SOS1: variants seen among roughly 807,000 people sequenced by gnomAD.
The protein encoded by SOS1 is son of sevenless homolog 1.
Under a neutral mutation model 157.6 loss-of-function variants are expected in SOS1, and 25 were observed. The observed-to-expected ratio is 0.16, with a 90% confidence interval of 0.12 to 0.22. The LOEUF (loss-of-function observed/expected upper bound fraction) is 0.22. SOS1 is among the 10% of genes least tolerant of loss of function. The probability of loss-of-function intolerance (pLI) is 1.00; values close to 1 mark genes in which losing one functional copy is unlikely to be tolerated. For synonymous variants in SOS1, 528 were observed against 534.0 expected (o/e 0.99, Z 0.16); for missense variants, 1,237 against 1,599.1 (o/e 0.77, Z 3.86).
chr2:39,120,170 G>T (rs1050054960), intron 1 of SOS1, among the ~76,000 whole-genome samples, 166 bp downstream of exon 1: 1 of 152,104 alleles, frequency 6.6e-6, no homozygotes, highest in Non-Finnish European at 1.5e-5. Context: ...TGTCAACACC[G>T]AGAGCCAGCC....
intron 17 of SOS1, among the ~76,000 whole-genome samples, chr2:39,002,323 T>TAAAAA: frequency 6.6e-6 from 1 of 151,340 alleles, no homozygotes. Context: ...GAAACTGTCT[T>TAAAAA]AAAAAAAAAG....
At chr2:39,072,723 A>T (rs551659394) in intron 1 of SOS1, among the ~76,000 whole-genome samples, 1 of 152,346 alleles carries the variant, frequency 6.6e-6, no homozygotes, top group African/African-American at 2.4e-5. Flanking sequence ...ACAAAGAATT[A>T]GCTTAAACAG....
At chr2:39,035,155 CAAAA>C in intron 8 of SOS1, 53 bp downstream of exon 8, 1 of 933,978 alleles carries the variant, frequency 1.1e-6, no homozygotes, top group Non-Finnish European at 1.6e-6. Flanking sequence ...AATGAAGTAG[CAAAA>C]AAAAAAATTC....
intron 1 of SOS1, among the ~76,000 whole-genome samples, chr2:39,118,766 C>A (rs1490182297): frequency 6.6e-6 from 1 of 152,170 alleles, no homozygotes; most frequent in Non-Finnish European, 1.5e-5. Context: ...CAAATATTAG[C>A]AACTAATTAC....
Position 39,007,012 on chromosome 2 carries a change from AAC to A in SOS1, c.2673+17_2673+18del, listed in dbSNP as rs751414331. The A allele has an allele frequency of 1.3e-6, 2 of 1,564,372 alleles. No individual in the cohort carries two copies. Among genetic ancestry groups the A allele is most frequent in the Non-Finnish European group, 8.8e-7 (1 of 1,135,836 alleles). Reference sequence around the variant, plus strand: ...ATAGGGAATGAAAGTTCATTTTAAAAACACATGTAGAAACCTACCTCAAATGT... The same window carrying A: ...ATAGGGAATGAAAGTTCATTTTAAAAACATGTAGAAACCTACCTCAAATGT... On this transcript the variant is annotated intron_variant, in intron 16 of 22. Coordinates refer to ENST00000402219, the MANE Select transcript of SOS1 (RefSeq NM_005633.4).
At position 39,022,723 on chromosome 2, in the gene SOS1, G is replaced by C. The variant is rs200786705; in HGVS notation, c.1705C>G (p.Leu569Val). Residue 569 changes from leucine to valine, a missense_variant, in exon 10 of 23, where the codon CTG becomes GTG. Physicochemically the swap from Leu to Val is conservative, Grantham distance 32 (BLOSUM62 1). Coordinates refer to ENST00000402219, the MANE Select transcript of SOS1 (RefSeq NM_005633.4). ...AATCTATAAACATCAGCACTAGGCA[G>C]CCTCATCTGCTCCTCTTTCTCTTCC... ...LQEEKEEQMR[L>V]PSADVYRFAE... is the part of the protein sequence containing the mutation. 2.0e-4 allele frequency: 322 copies of C among 1,613,712 alleles called. 1 individual carries two copies. Among genetic ancestry groups the C allele is most frequent in the Middle Eastern group, 1.6e-3 (10 of 6,062 alleles).
upstream of SOS1, among the ~76,000 whole-genome samples, chr2:39,123,912 C>T (rs977891867): frequency 3.3e-5 from 5 of 152,224 alleles, no homozygotes; most frequent in African/African-American, 1.2e-4. Flanking sequence ...CCCTTCAACT[C>T]CGAATCTCTG....
At chr2:39,069,190 C>CAAAAAAAAAAAAAAAAAAAA (rs869178369) in intron 1 of SOS1, among the ~76,000 whole-genome samples, 1 of 46,734 alleles carries the variant, frequency 2.1e-5, no homozygotes, top group African/African-American at 6.8e-5. Context: ...TACCAAAAAG[C>CAAAAAAAAAAAAAAAAAAAA]AAAAAAAAAA....
intron 1 of SOS1, among the ~76,000 whole-genome samples, chr2:39,105,204 T>C (rs1673121774): frequency 6.6e-6 from 1 of 152,156 alleles, no homozygotes; most frequent in Non-Finnish European, 1.5e-5. Context: ...AAATTTAAGT[T>C]AGCTTACTAC....
intron 1 of SOS1, among the ~76,000 whole-genome samples, chr2:39,094,555 G>T (rs922802490): frequency 6.6e-6 from 1 of 152,110 alleles, no homozygotes; most frequent in Non-Finnish European, 1.5e-5. Context: ...CTGAGGCAGA[G>T]AACTGCTTGA....
At chr2:39,110,039 C>CGTGTGTGTGTGT (rs779110307) in intron 1 of SOS1, among the ~76,000 whole-genome samples, 70 of 135,374 alleles carry the variant, frequency 5.2e-4, no homozygotes, top group East Asian at 3.5e-3. Flanking sequence ...TGTGTGTGTG[C>CGTGTGTGTGTGT]GTGTGTGTGT....
At chr2:39,112,696 CT>C (rs1322725592) in intron 1 of SOS1, among the ~76,000 whole-genome samples, 1 of 152,196 alleles carries the variant, frequency 6.6e-6, no homozygotes, top group Admixed American at 6.5e-5. Context: ...TACTACTTTC[CT>C]TTTCTTCACT....
At chr2:39,121,595 T>C (rs982557450), upstream of SOS1, among the ~76,000 whole-genome samples, 2 of 152,234 alleles carry the variant, frequency 1.3e-5, no homozygotes, top group Non-Finnish European at 2.9e-5. Flanking sequence ...ACTCCAGAAA[T>C]GAACTCCAGT....
At chr2:39,064,742 A>ATTTTTTTTTTTTTT (rs4015841) in intron 2 of SOS1, among the ~76,000 whole-genome samples, 4 of 74,816 alleles carry the variant, frequency 5.3e-5, no homozygotes, top group Admixed American at 2.3e-4. Flanking sequence ...TTTAAAATAC[A>ATTTTTTTTTTTTTT]TTTTTTTTTT....
chr2:39,110,532 T>G (rs1288585835), intron 1 of SOS1, among the ~76,000 whole-genome samples: 1 of 151,852 alleles, frequency 6.6e-6, no homozygotes, highest in Middle Eastern at 3.2e-3. Flanking sequence ...GGCACAGCCC[T>G]GCTCTGCAAG....
intron 1 of SOS1, among the ~76,000 whole-genome samples, chr2:39,068,555 A>G (rs1430362160): frequency 6.6e-6 from 1 of 152,212 alleles, no homozygotes; most frequent in Non-Finnish European, 1.5e-5. Context: ...CGCATATTAC[A>G]AGCTTGATAA....
intron 2 of SOS1, among the ~76,000 whole-genome samples, chr2:39,065,605 G>T (rs973445552): frequency 2.0e-5 from 3 of 152,048 alleles, no homozygotes. Context: ...ACCTTACTGA[G>T]AACTCTAGTA....
intron 1 of SOS1, among the ~76,000 whole-genome samples, chr2:39,091,746 G>T (rs1177758831): frequency 1.3e-5 from 2 of 152,134 alleles, no homozygotes; most frequent in Non-Finnish European, 2.9e-5. Context: ...GTCACCAGGG[G>T]ATGCCATTCT....
intron 8 of SOS1, among the ~76,000 whole-genome samples, chr2:39,028,130 A>G (rs2124547819): frequency 6.6e-6 from 1 of 152,314 alleles, no homozygotes; most frequent in South Asian, 2.1e-4. Flanking sequence ...TTAAAGCAGA[A>G]TGAAAACTCA....
Sources: gnomAD v4.1 joint callset for allele counts (sites outside exome capture counted in the v4.1 genomes callset) on GRCh38, gnomAD v4.1.1 for gene constraint, MANE v1.5 for transcripts, NCBI Gene and HGNC (gene_info 2026-07-23, HGNC 2026-07-21) for gene names.